Variants in GREM2 observed in about 807,000 individuals in gnomAD.
The protein encoded by GREM2 is gremlin-2.
Under a neutral mutation model 14.2 loss-of-function variants are expected in GREM2, and 11 were observed. The ratio of observed to expected loss-of-function variants is 0.78; its 90% CI spans 0.49 to 1.28. GREM2 has a LOEUF of 1.28. Ranked by LOEUF, GREM2 falls within the 50% of genes most tolerant of loss-of-function variation. The pLI, the probability that GREM2 is intolerant of heterozygous loss-of-function variation, is 0.00. For synonymous variants in GREM2, 98 were observed against 97.6 expected (o/e 1.00, Z -0.02); for missense variants, 210 against 218.5 (o/e 0.96, Z 0.24).
At chr1:240,515,815 T>C (rs911576196) in intron 1 of GREM2, among the ~76,000 whole-genome samples, 2 of 152,188 alleles carry the variant, frequency 1.3e-5, no homozygotes. Context: ...GGCAGCCCAC[T>C]TGGTGTTTGC....
chr1:240,533,009 T>TG (rs1472327207), intron 1 of GREM2, among the ~76,000 whole-genome samples: 7 of 152,234 alleles, frequency 4.6e-5, no homozygotes, highest in African/African-American at 7.2e-5. Flanking sequence ...CAGCAGGTAC[T>TG]GTAATTGATA....
At chr1:240,582,637 A>T (rs1004883454) in intron 1 of GREM2, among the ~76,000 whole-genome samples, 1 of 151,912 alleles carries the variant, frequency 6.6e-6, no homozygotes, top group Non-Finnish European at 1.5e-5. Context: ...CTCTACTAAA[A>T]ATACCAAAAA....
At chr1:240,599,505 C>T (rs1436247454) in intron 1 of GREM2, among the ~76,000 whole-genome samples, 1 of 152,072 alleles carries the variant, frequency 6.6e-6, no homozygotes, top group Non-Finnish European at 1.5e-5. Flanking sequence ...TCTGGATGGA[C>T]ACACTCATTT....
chr1:240,509,125 G>A (rs143497223), intron 1 of GREM2, among the ~76,000 whole-genome samples: 3 of 152,322 alleles, frequency 2.0e-5, no homozygotes, highest in South Asian at 4.1e-4. Context: ...ACAGGAAGAT[G>A]TGAGGGAGAG....
At chr1:240,562,412 T>C (rs1265979448) in intron 1 of GREM2, among the ~76,000 whole-genome samples, 2 of 152,228 alleles carry the variant, frequency 1.3e-5, no homozygotes, top group African/African-American at 4.8e-5. Context: ...TGAACTTTAC[T>C]AGCAGTCCCG....
Position 240,539,164 on chromosome 1 carries a change from C to A in GREM2, c.-1-45688G>T, listed in dbSNP as rs180813506. ...CAACTTTTCCTCACTAGCCAGGCCC[C>A]CATCATTCCATTCTTACTTACCATC... On this transcript the variant is annotated intron_variant, in intron 1 of 1. Coordinates refer to ENST00000318160, the MANE Select transcript of GREM2 (RefSeq NM_022469.4). Among the ~76,000 whole-genome samples the A allele has an allele frequency of 3.6e-3, 547 of 152,266 alleles. 4 individuals are homozygous for A. The highest frequency in any genetic ancestry group is 3.0e-3 in the Non-Finnish European group (206 of 68,018).
At chr1:240,563,827 C>G (rs1255280098) in intron 1 of GREM2, among the ~76,000 whole-genome samples, 1 of 152,198 alleles carries the variant, frequency 6.6e-6, no homozygotes, top group East Asian at 1.9e-4. Context: ...TATAGGTAGA[C>G]ATGTACCCAA....
intron 1 of GREM2, among the ~76,000 whole-genome samples, chr1:240,533,328 G>A (rs1418322780): frequency 2.0e-5 from 3 of 152,144 alleles, no homozygotes; most frequent in Non-Finnish European, 4.4e-5. Flanking sequence ...TCAGTTTAGC[G>A]GTCTGTGAGG....
intron 1 of GREM2, among the ~76,000 whole-genome samples, chr1:240,603,032 C>G (rs1679959007): frequency 6.6e-6 from 1 of 152,094 alleles, no homozygotes; most frequent in African/African-American, 2.4e-5. Flanking sequence ...GAGATCGCAC[C>G]ATTGCACTCC....
chr1:240,504,224 AG>A (rs1224737526), intron 1 of GREM2, among the ~76,000 whole-genome samples: 1 of 152,206 alleles, frequency 6.6e-6, no homozygotes, highest in Non-Finnish European at 1.5e-5. Context: ...TAATTTTTGC[AG>A]GTCCTCATCT....
chr1:240,583,855 G>A (rs937177227), intron 1 of GREM2, among the ~76,000 whole-genome samples: 6 of 152,014 alleles, frequency 3.9e-5, no homozygotes, highest in Non-Finnish European at 7.4e-5. Flanking sequence ...GCCCACCTCG[G>A]CCTCCCAAAG....
chr1:240,509,096 A>G (rs976162933), intron 1 of GREM2, among the ~76,000 whole-genome samples: 2 of 152,116 alleles, frequency 1.3e-5, no homozygotes, highest in African/African-American at 4.8e-5. Flanking sequence ...AGAGTAGAGG[A>G]CTTCTTTAAT....
intron 1 of GREM2, among the ~76,000 whole-genome samples, chr1:240,521,414 A>T (rs1319954080): frequency 6.6e-6 from 1 of 151,732 alleles, no homozygotes; most frequent in African/African-American, 2.4e-5. Flanking sequence ...TAAAAATACA[A>T]AAAACAATTA....
intron 1 of GREM2, among the ~76,000 whole-genome samples, chr1:240,603,479 TC>T (rs1397816432): frequency 6.6e-6 from 1 of 151,796 alleles, no homozygotes. Context: ...CCCATCCATC[TC>T]CCATCCATCT....
intron 1 of GREM2, among the ~76,000 whole-genome samples, chr1:240,584,158 C>A (rs1366168143): frequency 6.6e-6 from 1 of 151,688 alleles, no homozygotes; most frequent in Non-Finnish European, 1.5e-5. Flanking sequence ...CAAATGAAAA[C>A]AATAAGCCTG....
chr1:240,561,047 T>A (rs535647686), intron 1 of GREM2, among the ~76,000 whole-genome samples: 3 of 152,308 alleles, frequency 2.0e-5, no homozygotes, highest in South Asian at 2.1e-4. Context: ...AAGAAATAGA[T>A]AAGCATCAAT....
At chr1:240,584,678 C>G (rs1679556811) in intron 1 of GREM2, among the ~76,000 whole-genome samples, 1 of 152,008 alleles carries the variant, frequency 6.6e-6, no homozygotes, top group Non-Finnish European at 1.5e-5. Flanking sequence ...CCATAGCCCT[C>G]TAGCTTGGGT....
At chr1:240,586,947 T>C (rs1278602481) in intron 1 of GREM2, among the ~76,000 whole-genome samples, 1 of 152,144 alleles carries the variant, frequency 6.6e-6, no homozygotes, top group Non-Finnish European at 1.5e-5. Context: ...TTAATATACG[T>C]GTCACCAAAG....
At chr1:240,525,589 G>T (rs1476284744) in intron 1 of GREM2, among the ~76,000 whole-genome samples, 6 of 151,808 alleles carry the variant, frequency 4.0e-5, no homozygotes, top group Non-Finnish European at 8.8e-5. Flanking sequence ...AGCGACTTTG[G>T]TGCCTCAGCC....
Sources: allele counts gnomAD v4.1 joint callset (sites outside exome capture counted in the v4.1 genomes callset), GRCh38; gene constraint gnomAD v4.1.1; transcripts MANE v1.5; gene names NCBI Gene and HGNC (gene_info 2026-07-23, HGNC 2026-07-21).